FGF14: variants seen among roughly 807,000 people sequenced by gnomAD.
FGF14 encodes the protein fibroblast growth factor 14, also known as fibroblast growth factor homologous factor 4.
A neutral mutation model predicts 25.5 loss-of-function variants in FGF14; 5 were observed. That is an observed-to-expected ratio of 0.20 (90% CI 0.10 to 0.41). FGF14 has a LOEUF of 0.41. FGF14 is among the 10% of genes least tolerant of loss of function. FGF14 has a pLI of 1.00. For synonymous variants in FGF14, 138 were observed against 118.3 expected, an observed-to-expected ratio of 1.17 and a Z score of -1.08; for missense variants, 222 against 320.1, an observed-to-expected ratio of 0.69 and a Z score of 2.34.
intron 3 of FGF14, among the ~76,000 whole-genome samples, chr13:101,808,401 G>A (rs751357202): frequency 2.6e-5 from 4 of 151,878 alleles, no homozygotes; most frequent in Non-Finnish European, 5.9e-5. Context: ...AATGAAATGT[G>A]CATTAATTAA....
chr13:101,925,505 CT>C (rs1444739935), intron 1 of FGF14, among the ~76,000 whole-genome samples: 2 of 152,208 alleles, frequency 1.3e-5, no homozygotes, highest in African/African-American at 2.4e-5. Context: ...TACCGGAAGC[CT>C]TCAGGTTCTG....
At chr13:102,355,937 T>C (rs1299268807) in intron 1 of FGF14, among the ~76,000 whole-genome samples, 1 of 152,190 alleles carries the variant, frequency 6.6e-6, no homozygotes, top group East Asian at 1.9e-4. Context: ...ACCTATGCTA[T>C]TAAAACCTCA....
At chr13:101,864,860 G>C (rs7999633) in intron 3 of FGF14, among the ~76,000 whole-genome samples, 1 of 152,066 alleles carries the variant, frequency 6.6e-6, no homozygotes. Flanking sequence ...TTTTATGTAA[G>C]ATTACCTTAT....
At position 102,265,431 on chromosome 13, in the gene FGF14, G is replaced by A. The variant is rs186725959; in HGVS notation, c.208+136040C>T. ...ATCAGACTTGGTGAAAAATAATAGCGCATCTGAATATAATTCAAGCAAAAG... is the reference window on the plus strand; with the variant it reads ...ATCAGACTTGGTGAAAAATAATAGCACATCTGAATATAATTCAAGCAAAAG... On this transcript the variant is annotated intron_variant, in intron 1 of 4. Transcript: ENST00000376131. Among the ~76,000 whole-genome samples, 7 of 152,072 alleles carry A rather than the reference G, an allele frequency of 4.6e-5. No individual in the cohort carries two copies. In the East Asian group the frequency reaches 5.8e-4, roughly 13 times the overall value.
At chr13:101,999,435 C>A (rs2039361696) in intron 1 of FGF14, among the ~76,000 whole-genome samples, 1 of 152,026 alleles carries the variant, frequency 6.6e-6, no homozygotes, top group African/African-American at 2.4e-5. Context: ...ACACAGATCT[C>A]CAAAAGCAGC....
intron 1 of FGF14, among the ~76,000 whole-genome samples, chr13:102,278,751 T>C (rs2053676324): frequency 6.6e-6 from 1 of 152,070 alleles, no homozygotes; most frequent in South Asian, 2.1e-4. Flanking sequence ...TGTTACATTT[T>C]AAGATAAATG....
intron 1 of FGF14, among the ~76,000 whole-genome samples, chr13:102,271,585 A>G (rs187636511): frequency 1.8e-4 from 27 of 152,292 alleles, no homozygotes; most frequent in Admixed American, 1.1e-3. Context: ...CGTTCCATCT[A>G]TTTAGGTTCA....
Position 101,916,479 on chromosome 13 carries a change from A to G in FGF14, c.167T>C (p.Leu56Pro). The G allele has an allele frequency of 6.2e-7, 1 of 1,613,904 alleles. No individual in the cohort carries two copies. The highest frequency in any genetic ancestry group is 8.5e-7 in the Non-Finnish European group (1 of 1,179,916). ...TTGGCGCCGCAACCTGCGCTTCTTGAGGCCGAAGATGCGCACTTTGGAGAA... is the reference window on the plus strand; with the variant it reads ...TTGGCGCCGCAACCTGCGCTTCTTGGGGCCGAAGATGCGCACTTTGGAGAA... ...DIFSKVRIFGLKKRRLRRQDP... is the reference protein window; with the variant it reads ...DIFSKVRIFGPKKRRLRRQDP... The change falls in exon 1 of 5, where the codon CTC becomes CCC. Residue 56 changes from leucine (L) to proline (P), a missense_variant. Around this residue, in one of 5 missense-constraint regions of FGF14, gnomAD observed 80 missense variants for 72.2 expected, o/e 1.11. Coordinates refer to ENST00000376143, the MANE Select transcript of FGF14 (RefSeq NM_004115.4).
At chr13:102,045,143 G>A (rs990255096) in intron 1 of FGF14, among the ~76,000 whole-genome samples, 15 of 152,078 alleles carry the variant, frequency 9.9e-5, no homozygotes, top group Non-Finnish European at 1.3e-4. Flanking sequence ...ATTATAGGGT[G>A]AAGTTTCAAG....
In FGF14 at chr13:102,087,499, C is replaced by T. The variant is rs542003471; in HGVS notation, c.209-212203G>A. Among the ~76,000 whole-genome samples the T allele has an allele frequency of 8.6e-4, 120 of 140,162 alleles. 2 individuals are homozygous for T. The highest frequency in any genetic ancestry group is 7.9e-3 in the Middle Eastern group (2 of 254). The allele number at this position is 140,162 out of a possible 152,430, so 92.0% of individuals were successfully genotyped here. ...TGATCTCGGCTCATTGCAAGCTCTG[C>T]CTCTCTGGTTCCCGTCATTCTCCTG... On this transcript the variant is annotated intron_variant, in intron 1 of 4. Coordinates refer to the FGF14 transcript ENST00000376131.
chr13:101,852,683 A>G (rs776252857), intron 3 of FGF14, among the ~76,000 whole-genome samples: 1 of 152,088 alleles, frequency 6.6e-6, no homozygotes, highest in Non-Finnish European at 1.5e-5. Context: ...ATGACACATA[A>G]GAAGAATACT....
intron 1 of FGF14, among the ~76,000 whole-genome samples, chr13:102,310,556 G>A (rs1312575912): frequency 6.6e-6 from 1 of 152,008 alleles, no homozygotes; most frequent in Non-Finnish European, 1.5e-5. Context: ...TTCAGAGTTT[G>A]TGCCCACAAG....
At chr13:101,863,336 A>G (rs914544881) in intron 3 of FGF14, among the ~76,000 whole-genome samples, 2 of 152,138 alleles carry the variant, frequency 1.3e-5, no homozygotes, top group Admixed American at 1.3e-4. Context: ...AGGATGAGCA[A>G]CCCTCAAATG....
At chr13:101,814,535 C>T (rs941197702) in intron 3 of FGF14, among the ~76,000 whole-genome samples, 10 of 152,180 alleles carry the variant, frequency 6.6e-5, no homozygotes, top group Non-Finnish European at 1.5e-5. Context: ...AGAACACTTT[C>T]ATCATTCTTA....
intron 3 of FGF14, chr13:101,802,054 A>C: frequency 2.8e-6 from 1 of 363,140 alleles, no homozygotes; most frequent in Non-Finnish European, 5.4e-6. Flanking sequence ...ATAAGTATAA[A>C]TCTGATAAAA....
intron 3 of FGF14, among the ~76,000 whole-genome samples, chr13:101,751,445 T>C (rs2037267034): frequency 6.6e-6 from 1 of 152,134 alleles, no homozygotes. Flanking sequence ...GGCAGAACTG[T>C]CGTAGGTGCT....
At position 102,230,145 on chromosome 13, in the gene FGF14, T is replaced by C. The variant is rs1361791217; in HGVS notation, c.208+171326A>G. ...ATAAGAAGGTCCGAGGGAGCTTGTT[T>C]GTTCCTTGCACCATGTGAGAACACA... On this transcript the variant is annotated intron_variant, in intron 1 of 4. Coordinates refer to the FGF14 transcript ENST00000376131. Among the ~76,000 whole-genome samples, 4 of 152,184 alleles carry C rather than the reference T, an allele frequency of 2.6e-5. No individual in the cohort carries two copies. In the East Asian group the frequency reaches 7.7e-4, roughly 29 times the overall value.
intron 1 of FGF14, among the ~76,000 whole-genome samples, chr13:102,103,074 C>T (rs1229887676): frequency 2.0e-5 from 3 of 152,094 alleles, no homozygotes; most frequent in Non-Finnish European, 4.4e-5. Flanking sequence ...TAACAACTTG[C>T]CATCCTTCAA....
chr13:102,087,596 T>C (rs1217660725), intron 1 of FGF14, among the ~76,000 whole-genome samples: 3 of 123,394 alleles, frequency 2.4e-5, no homozygotes, highest in Non-Finnish European at 3.7e-5. Context: ...TTTTTTTTTT[T>C]TGTATTTTTA....
Sources: gnomAD v4.1 joint callset for allele counts (sites outside exome capture counted in the v4.1 genomes callset) on GRCh38, gnomAD v4.1.1 for gene constraint, gnomAD v4.1.1 regional missense constraint, MANE v1.5 for transcripts, NCBI Gene and HGNC (gene_info 2026-07-23, HGNC 2026-07-21) for gene names.